The following PCDHGC5 variants were observed in gnomAD, a reference collection of about 807,000 sequenced individuals.
PCDHGC5 encodes protocadherin gamma-C5.
A neutral mutation model predicts 59.0 loss-of-function variants in PCDHGC5; 25 were observed. The ratio of observed to expected loss-of-function variants is 0.42; its 90% CI spans 0.31 to 0.59. The LOEUF is 0.59. PCDHGC5 is among the 20% of genes least tolerant of loss of function. The pLI is 0.13. For synonymous variants in PCDHGC5, 434 were observed against 505.5 expected (o/e 0.86, Z 1.90); for missense variants, 1,067 against 1,206.4 (o/e 0.88, Z 1.71).
chr5:141,489,126 T>G lies in PCDHGC5; in HGVS notation c.-115T>G. 31 of 585,108 alleles carry G rather than the reference T, an allele frequency of 5.3e-5. No homozygotes were observed. Among genetic ancestry groups the G allele is most frequent in the South Asian group, 1.3e-4 (4 of 31,402 alleles). 36.2% of individuals were successfully genotyped at this position (585,108 alleles called of 1,614,324 possible). On this transcript the variant is annotated 5_prime_UTR_variant, in exon 1 of 4. Transcript: ENST00000252087. The surrounding 1 kb of genome is among the most constrained non-coding windows in gnomAD (Gnocchi z 4.5). ...TGCAAGCAGGCAAACCTCCGAGCAG[T>G]TTTTAAGAGGCTGGAAGGAGACATA...
Position 141,512,171 on chromosome 5 carries a change from T to C in PCDHGC5, c.*998T>C, listed in dbSNP as rs140884268. ...GGGCTGAGCTAACAGGACCAATGGA[T>C]TAAACTGGCATTTCAGTCCAAGGAA... On this transcript the variant is annotated 3_prime_UTR_variant, in exon 4 of 4. Transcript: ENST00000252087. 584 of 152,796 alleles carry C rather than the reference T, an allele frequency of 3.8e-3. 5 individuals carry two copies. The highest frequency in any genetic ancestry group is 0.011 in the Admixed American group (167 of 15,298). The allele number at this position is 152,796 out of a possible 1,614,324, so 9.5% of individuals were successfully genotyped here. A position where few individuals can be genotyped will look rare whatever the true frequency, so the allele number is the denominator to read the frequency against.
intron 2 of PCDHGC5, among the ~76,000 whole-genome samples, chr5:141,500,939 G>T (rs2099804123): frequency 6.6e-6 from 1 of 151,680 alleles, no homozygotes; most frequent in South Asian, 2.1e-4. Context: ...CGCCATCTCG[G>T]CTCACTGCAA....
At position 141,494,826 on chromosome 5, in the gene PCDHGC5, A is replaced by C; in HGVS notation, c.2480A>C (p.Asp827Ala). The change falls in exon 2 of 4, where the codon GAC becomes GCC. Residue 827 changes from aspartate to alanine, a missense_variant. Asp to Ala is a moderately radical substitution (Grantham distance 126, BLOSUM62 -2). Transcript: ENST00000252087. The part of the protein sequence containing the change: ...ERSQQAPPNT[D>A]WRFSQAQRPG... ...CCACAGCAAGCCCCGCCCAACACGGACTGGCGTTTCTCTCAGGCCCAGAGA... is the reference window on the plus strand; with the variant it reads ...CCACAGCAAGCCCCGCCCAACACGGCCTGGCGTTTCTCTCAGGCCCAGAGA... 4 of 1,613,960 alleles carry C rather than the reference A, an allele frequency of 2.5e-6. No individual in the cohort carries two copies. Among genetic ancestry groups the C allele is most frequent in the Non-Finnish European group, 3.4e-6 (4 of 1,179,976 alleles).
chr5:141,500,340 C>T (rs188966393), intron 2 of PCDHGC5, among the ~76,000 whole-genome samples: 1 of 151,950 alleles, frequency 6.6e-6, no homozygotes, highest in East Asian at 1.9e-4. Flanking sequence ...TCCAGAATAG[C>T]TGGGACTACA....
chr5:141,490,128 C>T lies in PCDHGC5; in HGVS notation c.888C>T (p.Asp296=), dbSNP rs970815408. 1.2e-6 allele frequency: 2 copies of T among 1,614,254 alleles called. No homozygotes were observed. Among genetic ancestry groups the T allele is most frequent in the Non-Finnish European group, 8.5e-7 (1 of 1,180,042 alleles). ...SEAVRNLFGL[D]PSSGAIHVLG... is the part of the protein sequence containing the mutation. ...CAGTGCGGAACCTCTTTGGCCTAGA[C>T]CCTAGCAGTGGGGCAATCCATGTGT... The change falls in exon 1 of 4, where the codon GAC becomes GAT. Residue 296 remains aspartate (D), a synonymous_variant. Transcript: ENST00000252087. The surrounding 1 kb of genome is among the most constrained non-coding windows in gnomAD (Gnocchi z 5.4).
At chr5:141,494,780 G>A (rs1314622459) in intron 1 of PCDHGC5, 27 bp from the exon 2 acceptor site, 13 of 1,613,898 alleles carry the variant, frequency 8.1e-6, no homozygotes, top group African/African-American at 1.3e-5. Context: ...CGGGTACTCA[G>A]CCCCTTTCCC....
At position 141,490,219 on chromosome 5, in the gene PCDHGC5, C is replaced by T. The variant is rs771985398; in HGVS notation, c.979C>T (p.Gln327Ter). 2.5e-5 allele frequency: 41 copies of T among 1,614,094 alleles called. No individual in the cohort carries two copies. The highest frequency in any genetic ancestry group is 3.3e-5 in the Non-Finnish European group (39 of 1,180,038). Residue 327 changes from glutamine (Q) to a stop codon, truncating the protein, a stop_gained, in exon 1 of 4, where the codon CAG becomes TAG. Coordinates refer to ENST00000252087, the MANE Select transcript of PCDHGC5 (RefSeq NM_018929.3). LOFTEE classifies it high-confidence loss of function. This position sits in a 1 kb window ranked among gnomAD's most constrained non-coding sequence, Gnocchi z 5.4. ...TCATGCAAGAGCCCGTGACCAGGGA[C>T]AGCCTGCCATGGAGGGCCACTGTGT... is the stretch of plus-strand genomic sequence containing the variant. ...EIHARARDQG[Q>*]PAMEGHCVIQ...
At position 141,510,965 on chromosome 5, in the gene PCDHGC5, C is replaced by T. The variant is rs1473736492; in HGVS notation, c.2627C>T (p.Ser876Phe). The T allele has an allele frequency of 3.1e-6, 5 of 1,614,026 alleles. No homozygotes were observed. The highest frequency in any genetic ancestry group is 4.2e-6 in the Non-Finnish European group (5 of 1,180,020). The change falls in exon 4 of 4, where the codon TCC becomes TTC. Residue 876 changes from serine (S) to phenylalanine (F), a missense_variant. Transcript: ENST00000252087. ...TCTGCAGAAGCTGCTGATGGGAGCT[C>T]CACCCTGGGAGGGGGTGCCGGCACC... ...ASASEAADGS[S>F]TLGGGAGTMG...
Position 141,490,754 on chromosome 5 carries a change from CCTT to C in PCDHGC5, c.1515_1517del (p.Phe506del), listed in dbSNP as rs775582875. ...CAGGTTCAGGGAGCCCCAGCCTCCT[CCTT>C]TGTGTATGTCAACCCAGAGGATGGA... On this transcript the variant is annotated inframe_deletion, in exon 1 of 4. Transcript: ENST00000252087. The surrounding 1 kb of genome is among the most constrained non-coding windows in gnomAD (Gnocchi z 5.4). 3.1e-6 allele frequency: 5 copies of C among 1,614,200 alleles called. No individual in the cohort carries two copies. The highest frequency in any genetic ancestry group is 3.4e-6 in the Non-Finnish European group (4 of 1,180,038).
Position 141,491,401 on chromosome 5 carries a change from G to T in PCDHGC5, c.2161G>T (p.Ala721Ser), listed in dbSNP as rs1442005704. ...FLSAKCLQGNADGDGGGGQCC... is the reference protein window; with the variant it reads ...FLSAKCLQGNSDGDGGGGQCC... ...GTCAGCGAAGTGCCTTCAGGGAAAC[G>T]CAGACGGGGACGGGGGTGGAGGGCA... Residue 721 changes from alanine (A) to serine (S), a missense_variant, in exon 1 of 4, where the codon GCA (alanine) becomes TCA (serine). Physicochemically the swap from Ala to Ser is moderately conservative, Grantham distance 99. Coordinates refer to ENST00000252087, the MANE Select transcript of PCDHGC5 (RefSeq NM_018929.3). The surrounding 1 kb of genome is among the most constrained non-coding windows in gnomAD (Gnocchi z 6.9). 1.2e-6 allele frequency: 2 copies of T among 1,614,102 alleles called. No homozygotes were observed. Among genetic ancestry groups the T allele is most frequent in the Non-Finnish European group, 1.7e-6 (2 of 1,179,990 alleles).
In PCDHGC5 at chr5:141,490,639, C is replaced by T. The variant is rs1345892739; in HGVS notation, c.1399C>T (p.Arg467Trp). 25 of 1,614,200 alleles carry T rather than the reference C, an allele frequency of 1.5e-5. No homozygotes were observed. Among genetic ancestry groups the T allele is most frequent in the East Asian group, 2.2e-5 (1 of 44,878 alleles). ...TTACACTGCTTACATCCTAGAAAAC[C>T]GGCCTCCGGGCTCCCTTCTTTGCAC... ...QLYTAYILEN[R>W]PPGSLLCTVA... Residue 467 changes from arginine (R) to tryptophan (W), a missense_variant, in exon 1 of 4, where the codon CGG becomes TGG. Physicochemically the swap from Arg to Trp is moderately radical, Grantham distance 101. Transcript: ENST00000252087. This position sits in a 1 kb window ranked among gnomAD's most constrained non-coding sequence, Gnocchi z 5.4.
Position 141,489,407 on chromosome 5 carries a change from T to C in PCDHGC5, c.167T>C (p.Met56Thr). The change falls in exon 1 of 4, where the codon ATG (methionine) becomes ACG (threonine). Residue 56 changes from methionine to threonine, a missense_variant. Transcript: ENST00000252087. This position sits in a 1 kb window ranked among gnomAD's most constrained non-coding sequence, Gnocchi z 4.5. Reference protein sequence around the residue: ...GNVAQDLGLKMTDLLSRRLQL... With the variant: ...GNVAQDLGLKTTDLLSRRLQL... ...GTTGCTCAGGATCTGGGCTTAAAGA[T>C]GACAGATCTGTTGAGCCGGCGGCTG... 6.2e-7 allele frequency: 1 copy of C among 1,614,140 alleles called. No individual in the cohort carries two copies.
chr5:141,491,982 T>G lies in PCDHGC5; in HGVS notation c.2460+282T>G. On this transcript the variant is annotated intron_variant, in intron 1 of 3. Coordinates refer to ENST00000252087, the MANE Select transcript of PCDHGC5 (RefSeq NM_018929.3). This position sits in a 1 kb window ranked among gnomAD's most constrained non-coding sequence, Gnocchi z 6.9. Reference sequence around the variant, plus strand: ...AAAAGGCCGGGGCCTCCTTCGAGCTTCCGGTGAATTTCGGGCGATTTCCGC... The same window carrying G: ...AAAAGGCCGGGGCCTCCTTCGAGCTGCCGGTGAATTTCGGGCGATTTCCGC... The G allele has an allele frequency of 2.6e-6, 2 of 759,438 alleles. No homozygotes were observed. Among genetic ancestry groups the G allele is most frequent in the East Asian group, 3.2e-5 (1 of 31,728 alleles). The allele number at this position is 759,438 out of a possible 1,614,324, so 47.0% of individuals were successfully genotyped here. A position where few individuals can be genotyped will look rare whatever the true frequency, so the allele number is the denominator to read the frequency against.
Position 141,490,943 on chromosome 5 carries a change from G to A in PCDHGC5, c.1703G>A (p.Arg568Gln), listed in dbSNP as rs1035375216. The A allele has an allele frequency of 6.8e-6, 11 of 1,613,470 alleles. No homozygotes were observed. The East Asian group carries it at 1.1e-4, about 16-fold the overall frequency. Residue 568 changes from arginine (R) to glutamine (Q), a missense_variant, in exon 1 of 4, where the codon CGG becomes CAG. By Grantham distance (43) the Arg-to-Gln change is conservative (BLOSUM62 1). Coordinates refer to ENST00000252087, the MANE Select transcript of PCDHGC5 (RefSeq NM_018929.3). This position sits in a 1 kb window ranked among gnomAD's most constrained non-coding sequence, Gnocchi z 5.4. Reference sequence around the variant, plus strand: ...AATGCCCCAGCTGTGCTGCACCCACGGCCAGACTGGGAACACTCAGCCCCC... The same window carrying A: ...AATGCCCCAGCTGTGCTGCACCCACAGCCAGACTGGGAACACTCAGCCCCC... Reference protein sequence around the residue: ...NDNAPAVLHPRPDWEHSAPQR... With the variant: ...NDNAPAVLHPQPDWEHSAPQR...
In PCDHGC5 at chr5:141,503,070, G is replaced by A. The variant is rs868143537; in HGVS notation, c.2520-2323G>A. 1.5e-4 allele frequency among the ~76,000 whole-genome samples: 23 copies of A among 151,614 alleles called. No individual in the cohort carries two copies. The Middle Eastern group carries it at 0.01, about 68-fold the overall frequency. On this transcript the variant is annotated intron_variant, in intron 2 of 3. Coordinates refer to ENST00000252087, the MANE Select transcript of PCDHGC5 (RefSeq NM_018929.3). ...GGGTTTCACCATGTTGGTCAGAATGGTCTCGATCTCCTGACCTCGTGGTCT... is the reference window on the plus strand; with the variant it reads ...GGGTTTCACCATGTTGGTCAGAATGATCTCGATCTCCTGACCTCGTGGTCT...
chr5:141,491,560 T>C lies in PCDHGC5; in HGVS notation c.2320T>C (p.Tyr774His). 1 of 1,613,986 alleles carries C rather than the reference T, an allele frequency of 6.2e-7. No homozygotes were observed. Among genetic ancestry groups the C allele is most frequent in the Non-Finnish European group, 8.5e-7 (1 of 1,180,026 alleles). ...GCCCACAGACTCGCAGAGCCACTGCTACAGGACGTGCTTTTCACCGGCCTC... is the reference window on the plus strand; with the variant it reads ...GCCCACAGACTCGCAGAGCCACTGCCACAGGACGTGCTTTTCACCGGCCTC... ...LRPTDSQSHC[Y>H]RTCFSPASDG... The change falls in exon 1 of 4, where the codon TAC (tyrosine) becomes CAC (histidine). Residue 774 changes from tyrosine (Y) to histidine (H), a missense_variant. By Grantham distance (83) the Tyr-to-His change is moderately conservative (BLOSUM62 2). Coordinates refer to ENST00000252087, the MANE Select transcript of PCDHGC5 (RefSeq NM_018929.3). This position sits in a 1 kb window ranked among gnomAD's most constrained non-coding sequence, Gnocchi z 6.9.
chr5:141,491,955 A>T lies in PCDHGC5; in HGVS notation c.2460+255A>T. Reference sequence around the variant, plus strand: ...GGGACCGACCCCCACCCCTACACTCAAAAAAGGCCGGGGCCTCCTTCGAGC... The same window carrying T: ...GGGACCGACCCCCACCCCTACACTCTAAAAAGGCCGGGGCCTCCTTCGAGC... On this transcript the variant is annotated intron_variant, in intron 1 of 3. Coordinates refer to ENST00000252087, the MANE Select transcript of PCDHGC5 (RefSeq NM_018929.3). This position sits in a 1 kb window ranked among gnomAD's most constrained non-coding sequence, Gnocchi z 6.9. 9.7e-7 allele frequency: 1 copy of T among 1,029,648 alleles called. No homozygotes were observed. The highest frequency in any genetic ancestry group is 2.2e-5 in the South Asian group (1 of 44,530). The allele number at this position is 1,029,648 out of a possible 1,614,324, so 63.8% of individuals were successfully genotyped here. A position where few individuals can be genotyped will look rare whatever the true frequency, so the allele number is the denominator to read the frequency against.
chr5:141,502,282 C>A (rs187281689), intron 2 of PCDHGC5, among the ~76,000 whole-genome samples: 1 of 151,848 alleles, frequency 6.6e-6, no homozygotes, highest in Non-Finnish European at 1.5e-5. Flanking sequence ...GCATAGATTG[C>A]ATTTGGTTGT....
At chr5:141,496,799 G>C (rs2099771487) in intron 2 of PCDHGC5, among the ~76,000 whole-genome samples, 1 of 151,912 alleles carries the variant, frequency 6.6e-6, no homozygotes, top group African/African-American at 2.4e-5. Context: ...TAAACATTGG[G>C]CTATAGGAGT....
Sources: allele counts gnomAD v4.1 joint callset (sites outside exome capture counted in the v4.1 genomes callset), GRCh38; gene constraint gnomAD v4.1.1; non-coding constraint Gnocchi (gnomAD v3.1); transcripts MANE v1.5; gene names NCBI Gene and HGNC (gene_info 2026-07-23, HGNC 2026-07-21).